The following GPHN variants were observed in gnomAD, a reference collection of about 807,000 sequenced individuals.
GPHN encodes the protein gephyrin.
Under a neutral mutation model 95.5 loss-of-function variants are expected in GPHN, and 17 were observed. The ratio of observed to expected loss-of-function variants is 0.18; its 90% CI spans 0.12 to 0.27. The LOEUF (loss-of-function observed/expected upper bound fraction) is 0.27. GPHN is among the 10% of genes least tolerant of loss of function. The pLI is 1.00. For missense variants in GPHN, 660 were observed against 978.1 expected (o/e 0.67, Z 4.34); for synonymous variants, 320 against 322.5 (o/e 0.99, Z 0.08).
chr14:67,459,469 A>C, the GPHN span, among the ~76,000 whole-genome samples: 1 of 152,216 alleles, frequency 6.6e-6, no homozygotes, highest in East Asian at 1.9e-4. Context: ...CTTCTTGTTG[A>C]ATGAAACCGA....
chr14:67,464,577 G>A, the GPHN span, among the ~76,000 whole-genome samples: 2 of 152,006 alleles, frequency 1.3e-5, no homozygotes, highest in African/African-American at 4.8e-5. Context: ...GAGCTCATTC[G>A]CATCTTTGCC....
the GPHN span, among the ~76,000 whole-genome samples, chr14:67,372,319 A>G: frequency 6.6e-6 from 1 of 152,200 alleles, no homozygotes; most frequent in African/African-American, 2.4e-5. Flanking sequence ...TGAATCATAG[A>G]TGTAAACTTC....
At chr14:67,346,002 A>T in the GPHN span, 1 of 643,824 alleles carries the variant, frequency 1.6e-6, no homozygotes, top group African/African-American at 1.8e-5. Flanking sequence ...TTGAATGTAA[A>T]CATGAAGTGC....
At chr14:67,575,859 A>T in the GPHN span, 2 of 1,613,940 alleles carry the variant, frequency 1.2e-6, no homozygotes, top group Non-Finnish European at 1.7e-6. Flanking sequence ...GGATGCGCAC[A>T]TAGAGGAAGT....
chr14:66,560,492 C>G (rs1433158231), intron 1 of GPHN, among the ~76,000 whole-genome samples: 1 of 152,156 alleles, frequency 6.6e-6, no homozygotes, highest in Non-Finnish European at 1.5e-5. Context: ...ATTTTATTCT[C>G]TTTGAAGCCA....
At chr14:66,669,154 G>A (rs763026713) in intron 1 of GPHN, among the ~76,000 whole-genome samples, 1 of 152,012 alleles carries the variant, frequency 6.6e-6, no homozygotes, top group East Asian at 1.9e-4. Context: ...AGCTGAGGTC[G>A]GGAGTTCGAG....
chr14:66,641,034 A>G (rs998342758), intron 1 of GPHN, among the ~76,000 whole-genome samples: 1 of 152,202 alleles, frequency 6.6e-6, no homozygotes, highest in Admixed American at 6.5e-5. Context: ...AAATGGGAGG[A>G]TGAAGCTAAA....
At chr14:66,998,103 C>T (rs2071942139) in intron 9 of GPHN, among the ~76,000 whole-genome samples, 1 of 152,158 alleles carries the variant, frequency 6.6e-6, no homozygotes, top group Admixed American at 6.5e-5. Flanking sequence ...AGCATGTGTG[C>T]AGGAGGGCTC....
At chr14:67,063,057 T>C (rs2075889861) in intron 11 of GPHN, among the ~76,000 whole-genome samples, 1 of 152,244 alleles carries the variant, frequency 6.6e-6, no homozygotes, top group African/African-American at 2.4e-5. Flanking sequence ...GTTTTAGGTC[T>C]AACATTTAAG....
intron 10 of GPHN, among the ~76,000 whole-genome samples, chr14:67,057,629 C>G (rs549923288): frequency 6.6e-6 from 1 of 152,162 alleles, no homozygotes; most frequent in East Asian, 1.9e-4. Context: ...TTAACAGAAC[C>G]ATCAGGTGGT....
Position 66,860,677 on chromosome 14 carries a change from G to A in GPHN, c.295-19262G>A, listed in dbSNP as rs78101582. On this transcript the variant is annotated intron_variant, in intron 4 of 22. Transcript: ENST00000478722. The stretch of plus-strand genomic sequence containing the variant: ...AATAAACGAATCAACGATAATAACC[G>A]CAACAACTTTTCAAGACGTAATAAG... Among the ~76,000 whole-genome samples, 474 of 151,744 alleles carry A rather than the reference G, an allele frequency of 3.1e-3. 10 individuals carry two copies. Among genetic ancestry groups the A allele is most frequent in the African/African-American group, 0.011 (446 of 41,406 alleles).
chr14:67,117,499 T>A (rs1307066737), intron 16 of GPHN, among the ~76,000 whole-genome samples: 8 of 152,004 alleles, frequency 5.3e-5, no homozygotes, highest in Non-Finnish European at 1.2e-4. Flanking sequence ...AAGGGAAAAA[T>A]AGCACTTAAA....
intron 5 of GPHN, among the ~76,000 whole-genome samples, chr14:66,894,832 G>A (rs2064743812): frequency 6.6e-6 from 1 of 152,196 alleles, no homozygotes; most frequent in South Asian, 2.1e-4. Context: ...CAGTTAGAAT[G>A]GCGATCATTA....
At chr14:67,394,596 G>C in the GPHN span, among the ~76,000 whole-genome samples, 1 of 152,166 alleles carries the variant, frequency 6.6e-6, no homozygotes, top group East Asian at 1.9e-4. Context: ...TTCAGTGCCT[G>C]GTGGGGAGTT....
intron 8 of GPHN, among the ~76,000 whole-genome samples, chr14:66,949,276 G>C (rs372525722): frequency 1.2e-4 from 18 of 151,964 alleles, no homozygotes; most frequent in African/African-American, 4.4e-4. Context: ...GTAGAGACAG[G>C]GTCTCACCAT....
At chr14:66,742,863 G>A (rs1212813636) in intron 2 of GPHN, among the ~76,000 whole-genome samples, 4 of 152,190 alleles carry the variant, frequency 2.6e-5, no homozygotes, top group Admixed American at 6.5e-5. Context: ...CTGGGTTCAC[G>A]CCATTCTCCT....
the GPHN span, among the ~76,000 whole-genome samples, chr14:67,356,375 C>T: frequency 6.6e-6 from 1 of 150,720 alleles, no homozygotes. Context: ...GAGCCAAGAT[C>T]GGGTCACTGC....
At chr14:67,626,044 A>G in the GPHN span, among the ~76,000 whole-genome samples, 1 of 152,270 alleles carries the variant, frequency 6.6e-6, no homozygotes, top group South Asian at 2.1e-4. Context: ...ATTTCAGGTC[A>G]GGAGTTCAAA....
the GPHN span, among the ~76,000 whole-genome samples, chr14:67,310,849 G>A: frequency 1.3e-5 from 2 of 152,042 alleles, no homozygotes; most frequent in Non-Finnish European, 2.9e-5. Context: ...ATCTATCTAT[G>A]TCTATCTTTG....
Sources: allele counts gnomAD v4.1 joint callset (sites outside exome capture counted in the v4.1 genomes callset), GRCh38; gene constraint gnomAD v4.1.1; transcripts MANE v1.5; gene names NCBI Gene and HGNC (gene_info 2026-07-23, HGNC 2026-07-21).